Variants in MAP10 observed in about 807,000 individuals in gnomAD.
The protein encoded by MAP10 is microtubule associated protein 10.
In MAP10, 10 loss-of-function variants were observed where a neutral mutation model predicts 6.3. The ratio of observed to expected loss-of-function variants is 1.58; its 90% confidence interval spans 0.98 to 2.69. The LOEUF (loss-of-function observed/expected upper bound fraction) is 2.69, where lower values mean the gene tolerates loss of function less well. Among genes scored for constraint, MAP10 ranks in the 30% most tolerant of loss-of-function variants. MAP10 has a pLI of 0.00. For missense variants in MAP10, 1,189 were observed against 1,086.5 expected, an observed-to-expected ratio of 1.09 and a Z score of -1.33; for synonymous variants, 459 against 429.3, an observed-to-expected ratio of 1.07 and a Z score of -0.86.
At position 232,805,964 on chromosome 1, in the gene MAP10, C is replaced by T. The variant is rs775612357; in HGVS notation, c.515C>T (p.Thr172Ile). The T allele has an allele frequency of 1.4e-5, 23 of 1,613,314 alleles. No individual in the cohort carries two copies. In the African/African-American group the frequency reaches 2.9e-4, roughly 21 times the overall value. The change falls in exon 1 of 1, where the codon ACT (threonine) becomes ATT (isoleucine). Residue 172 changes from threonine to isoleucine, a missense_variant. Transcript: ENST00000418460. ...CTGCATAATCGAGTGGGCGAGCGGA[C>T]TGGGGACATTGCACTGGCCTACCGC... The part of the protein sequence containing the change: ...FPLHNRVGER[T>I]GDIALAYRLT...
Position 232,806,261 on chromosome 1 carries a change from T to G in MAP10, c.812T>G (p.Val271Gly). Residue 271 changes from valine to glycine, a missense_variant, in exon 1 of 1, where the codon GTT (valine) becomes GGT (glycine). Coordinates refer to ENST00000418460, the MANE Select transcript of MAP10 (RefSeq NM_019090.3). ...SVENGKTNSV[V>G]TCSGAGNGRN... is the part of the protein sequence containing the mutation. Reference sequence around the variant, plus strand: ...GAGAATGGCAAAACCAATTCTGTTGTTACATGTTCAGGTGCTGGCAATGGG... The same window carrying G: ...GAGAATGGCAAAACCAATTCTGTTGGTACATGTTCAGGTGCTGGCAATGGG... 6.2e-7 allele frequency: 1 copy of G among 1,613,976 alleles called. No homozygotes were observed. The highest frequency in any genetic ancestry group is 8.5e-7 in the Non-Finnish European group (1 of 1,179,890).
chr1:232,805,483 C>T lies in MAP10; in HGVS notation c.34C>T (p.Leu12=), dbSNP rs767298922. Residue 12 remains leucine (L), a synonymous_variant, in exon 1 of 1, where the codon CTG becomes TTG. Transcript: ENST00000418460. Reference sequence around the variant, plus strand: ...CTCGCTGTCCGAGCGGCTCTTCTCGCTGGAGCTGCTGGTGGACTGGGTGCG... The same window carrying T: ...CTCGCTGTCCGAGCGGCTCTTCTCGTTGGAGCTGCTGGTGGACTGGGTGCG... ...AASLSERLFS[L]ELLVDWVRLE... The T allele has an allele frequency of 1.4e-5, 23 of 1,586,348 alleles. No homozygotes were observed. In the South Asian group the frequency reaches 1.8e-4, roughly 13 times the overall value.
the MAP10 span, chr1:232,807,618 CA>C: frequency 1.2e-6 from 2 of 1,609,610 alleles, no homozygotes; most frequent in African/African-American, 2.7e-5. Context: ...GCAGAAGTTT[CA>C]AAGCTCATGA....
chr1:232,807,386 G>A lies in MAP10; in HGVS notation c.1937G>A (p.Ser646Asn). Reference sequence around the variant, plus strand: ...GGAAATGTGGAAATGAAAATCCAAAGTCCATGTGTTTTCCAACAGGATGCT... The same window carrying A: ...GGAAATGTGGAAATGAAAATCCAAAATCCATGTGTTTTCCAACAGGATGCT... ...LGGNVEMKIQ[S>N]PCVFQQDAVV... Residue 646 changes from serine to asparagine, a missense_variant, in exon 1 of 1, where the codon AGT becomes AAT. Transcript: ENST00000418460. The A allele has an allele frequency of 6.2e-7, 1 of 1,613,852 alleles. No homozygotes were observed. The highest frequency in any genetic ancestry group is 8.5e-7 in the Non-Finnish European group (1 of 1,179,838).
In MAP10 at chr1:232,808,403, C is replaced by T. The variant is rs964619689; in HGVS notation, c.*236C>T. ...ATCATAAGAATAAAAGTGTGTCTTT[C>T]TAAATTGTCTCTCTTAAAGTGTCTA... On this transcript the variant is annotated 3_prime_UTR_variant, in exon 1 of 1. Coordinates refer to ENST00000418460, the MANE Select transcript of MAP10 (RefSeq NM_019090.3). The T allele has an allele frequency of 4.3e-5, 15 of 346,504 alleles. No homozygotes were observed. Among genetic ancestry groups the T allele is most frequent in the Non-Finnish European group, 7.6e-5 (14 of 183,288 alleles). 21.5% of individuals were successfully genotyped at this position (346,504 alleles called of 1,614,324 possible). A position where few individuals can be genotyped will look rare whatever the true frequency, so the allele number is the denominator to read the frequency against.
rs373605405 is a variant in MAP10 at position 232,806,182 on chromosome 1, G to A, written c.733G>A (p.Asp245Asn). The change falls in exon 1 of 1, where the codon GAT (aspartate) becomes AAT (asparagine). Residue 245 changes from aspartate (D) to asparagine (N), a missense_variant. Coordinates refer to ENST00000418460, the MANE Select transcript of MAP10 (RefSeq NM_019090.3). ...GTTAGAAATCCCAGAGGCACAGAAG[G>A]ATTTGAAGGAAATGGTTAAAAGTAA... The part of the protein sequence containing the change: ...GELEIPEAQK[D>N]LKEMVKSKAE... 3.7e-5 allele frequency: 60 copies of A among 1,614,038 alleles called. No homozygotes were observed. In the African/African-American group the frequency reaches 7.5e-4, roughly 20 times the overall value.
Position 232,805,701 on chromosome 1 carries a change from C to T in MAP10, c.252C>T (p.Pro84=), listed in dbSNP as rs1472090326. ...GPGAPAAEPW[P]GVIRFGRGKS... ...GCGCTCCCGCCGCCGAACCGTGGCC[C>T]GGTGTCATCCGCTTCGGTCGCGGCA... The change falls in exon 1 of 1, where the codon CCC becomes CCT. Residue 84 remains proline (P), a synonymous_variant. Transcript: ENST00000418460. 1.2e-6 allele frequency: 2 copies of T among 1,604,226 alleles called. No individual in the cohort carries two copies. The highest frequency in any genetic ancestry group is 2.2e-5 in the East Asian group (1 of 44,804).
rs1442423274 is a variant in MAP10 at position 232,807,101 on chromosome 1, A to G, written c.1652A>G (p.Gln551Arg). 3.7e-6 allele frequency: 6 copies of G among 1,611,978 alleles called. No individual in the cohort carries two copies. The highest frequency in any genetic ancestry group is 1.6e-4 in the Middle Eastern group (1 of 6,076). The change falls in exon 1 of 1, where the codon CAA becomes CGA. Residue 551 changes from glutamine to arginine, a missense_variant. Coordinates refer to ENST00000418460, the MANE Select transcript of MAP10 (RefSeq NM_019090.3). ...SKVKLLSSAE[Q>R]SQKPQLPEDK... ...GTTAAACTATTAAGCTCTGCAGAAC[A>G]AAGTCAGAAGCCACAACTGCCTGAA...
In MAP10 at chr1:232,807,105, T is replaced by G; in HGVS notation, c.1656T>G (p.Ser552Arg). 1.2e-6 allele frequency: 2 copies of G among 1,611,758 alleles called. No individual in the cohort carries two copies. Among genetic ancestry groups the G allele is most frequent in the Non-Finnish European group, 1.7e-6 (2 of 1,179,136 alleles). Reference sequence around the variant, plus strand: ...AACTATTAAGCTCTGCAGAACAAAGTCAGAAGCCACAACTGCCTGAAGATA... The same window carrying G: ...AACTATTAAGCTCTGCAGAACAAAGGCAGAAGCCACAACTGCCTGAAGATA... ...KVKLLSSAEQ[S>R]QKPQLPEDKY... Residue 552 changes from serine (S) to arginine (R), a missense_variant, in exon 1 of 1, where the codon AGT (serine) becomes AGG (arginine). By Grantham distance (110) the Ser-to-Arg change is moderately radical. Transcript: ENST00000418460.
In MAP10 at chr1:232,808,147, C is replaced by T; in HGVS notation, c.2698C>T (p.Leu900Phe). 1 of 1,575,918 alleles carries T rather than the reference C, an allele frequency of 6.3e-7. No individual in the cohort carries two copies. The highest frequency in any genetic ancestry group is 8.7e-7 in the Non-Finnish European group (1 of 1,155,194). ...KDICELVINK[L>F]PGYTM ...TATTTGTGAATTAGTAATAAATAAA[C>T]TTCCAGGATACACAATGTAAAAATA... The change falls in exon 1 of 1, where the codon CTT becomes TTT. Residue 900 changes from leucine to phenylalanine, a missense_variant. Physicochemically the swap from Leu to Phe is conservative, Grantham distance 22. Coordinates refer to ENST00000418460, the MANE Select transcript of MAP10 (RefSeq NM_019090.3).
Position 232,807,193 on chromosome 1 carries a change from G to A in MAP10, c.1744G>A (p.Val582Ile). 1 of 1,613,574 alleles carries A rather than the reference G, an allele frequency of 6.2e-7. No homozygotes were observed. The highest frequency in any genetic ancestry group is 8.5e-7 in the Non-Finnish European group (1 of 1,179,690). ...TGATACCTCAAGACAAATCAGTGGA[G>A]TTTTTGATGAGCCCAGCACAAGTAA... is the stretch of plus-strand genomic sequence containing the variant. ...NSDTSRQISGVFDEPSTSKET... is the reference protein window; with the variant it reads ...NSDTSRQISGIFDEPSTSKET... Residue 582 changes from valine to isoleucine, a missense_variant, in exon 1 of 1, where the codon GTT (valine) becomes ATT (isoleucine). Val to Ile is a conservative substitution (Grantham distance 29, BLOSUM62 3). Transcript: ENST00000418460.
At position 232,805,779 on chromosome 1, in the gene MAP10, G is replaced by A. The variant is rs1199505738; in HGVS notation, c.330G>A (p.Arg110=). 7 of 1,599,394 alleles carry A rather than the reference G, an allele frequency of 4.4e-6. No homozygotes were observed. In the African/African-American group the frequency reaches 8.0e-5, roughly 18 times the overall value. The change falls in exon 1 of 1, where the codon CGG becomes CGA. Residue 110 remains arginine, a synonymous_variant. Coordinates refer to ENST00000418460, the MANE Select transcript of MAP10 (RefSeq NM_019090.3). ...CTACCCTGCACTGCCGGCTCCTGCG[G>A]ACCCCGCTTGCCACCTTGCTGCTGC... ...QPATLHCRLL[R]TPLATLLLQL... is the part of the protein sequence containing the mutation.
At chr1:232,805,697 G>A in the MAP10 span, 1 of 1,604,400 alleles carries the variant, frequency 6.2e-7, no homozygotes, top group African/African-American at 1.3e-5. Flanking sequence ...GCCGAACCGT[G>A]GCCCGGTGTC....
Position 232,807,720 on chromosome 1 carries a change from C to T in MAP10, c.2271C>T (p.Asp757=), listed in dbSNP as rs576688239. 4 of 1,613,638 alleles carry T rather than the reference C, an allele frequency of 2.5e-6. No individual in the cohort carries two copies. The highest frequency in any genetic ancestry group is 2.2e-5 in the East Asian group (1 of 44,852). Residue 757 remains aspartate (D), a synonymous_variant, in exon 1 of 1, where the codon GAC becomes GAT. Transcript: ENST00000418460. ...TGVSKKKNSS[D]RSSILSPPFS... is the part of the protein sequence containing the mutation. ...TGTCCAAAAAGAAAAATAGTAGTGA[C>T]AGGAGTTCTATCCTTAGCCCACCTT... is the stretch of plus-strand genomic sequence containing the variant.
chr1:232,808,028 C>A lies in MAP10; in HGVS notation c.2579C>A (p.Ser860Tyr), dbSNP rs780003589. ...QVSSYLPSNV[S>Y]ELNVLDSSTS... is the part of the protein sequence containing the mutation. Reference sequence around the variant, plus strand: ...AGTTCTTACCTGCCTTCAAATGTGTCCGAACTTAATGTCCTGGATAGCAGT... The same window carrying A: ...AGTTCTTACCTGCCTTCAAATGTGTACGAACTTAATGTCCTGGATAGCAGT... Residue 860 changes from serine (S) to tyrosine (Y), a missense_variant, in exon 1 of 1, where the codon TCC (serine) becomes TAC (tyrosine). Transcript: ENST00000418460. The A allele has an allele frequency of 4.3e-6, 7 of 1,613,260 alleles. No homozygotes were observed. Among genetic ancestry groups the A allele is most frequent in the Non-Finnish European group, 5.9e-6 (7 of 1,179,472 alleles).
In MAP10 at chr1:232,808,289, T is replaced by C. The variant is rs1053440441; in HGVS notation, c.*122T>C. On this transcript the variant is annotated 3_prime_UTR_variant, in exon 1 of 1. Transcript: ENST00000418460. The stretch of plus-strand genomic sequence containing the variant: ...TTTAAAGAAATATGAATTAACGTTA[T>C]TCCTTTGATGTTTAAATGGTATTTT... 4.5e-5 allele frequency: 23 copies of C among 510,744 alleles called. No individual in the cohort carries two copies. The highest frequency in any genetic ancestry group is 7.9e-5 in the Non-Finnish European group (23 of 292,966). 31.6% of individuals were successfully genotyped at this position (510,744 alleles called of 1,614,324 possible).
Position 232,806,654 on chromosome 1 carries a change from T to C in MAP10, c.1205T>C (p.Leu402Ser). The C allele has an allele frequency of 6.2e-7, 1 of 1,613,972 alleles. No individual in the cohort carries two copies. The highest frequency in any genetic ancestry group is 8.5e-7 in the Non-Finnish European group (1 of 1,179,882). ...CAGTTGCCTTTGTTAAATGCTTTGT[T>C]AGTTGAGTTGTCCTTGTTATATGAC... ...IRQLPLLNAL[L>S]VELSLLYDQP... is the part of the protein sequence containing the mutation. The change falls in exon 1 of 1, where the codon TTA becomes TCA. Residue 402 changes from leucine to serine, a missense_variant. By Grantham distance (145) the Leu-to-Ser change is moderately radical. Coordinates refer to ENST00000418460, the MANE Select transcript of MAP10 (RefSeq NM_019090.3).
At position 232,807,538 on chromosome 1, in the gene MAP10, G is replaced by C; in HGVS notation, c.2089G>C (p.Glu697Gln). ...AAATAGTTGCTATGAAAACATCTCAGAACTGAAGTATTCAGATGATTTGTC... is the reference window on the plus strand; with the variant it reads ...AAATAGTTGCTATGAAAACATCTCACAACTGAAGTATTCAGATGATTTGTC... ...GKNSCYENIS[E>Q]LKYSDDLSSP... Residue 697 changes from glutamate (E) to glutamine (Q), a missense_variant, in exon 1 of 1, where the codon GAA becomes CAA. Glu to Gln is a conservative substitution (Grantham distance 29). Coordinates refer to ENST00000418460, the MANE Select transcript of MAP10 (RefSeq NM_019090.3). 6.2e-7 allele frequency: 1 copy of C among 1,613,402 alleles called. No individual in the cohort carries two copies. Among genetic ancestry groups the C allele is most frequent in the Non-Finnish European group, 8.5e-7 (1 of 1,179,620 alleles).
At chr1:232,805,921 C>CTT in the MAP10 span, 1 of 1,610,234 alleles carries the variant, frequency 6.2e-7, no homozygotes. Flanking sequence ...CTCCCACCGT[C>CTT]ACCGGGGACG....
Sources: gnomAD v4.1 joint callset for allele counts on GRCh38, gnomAD v4.1.1 for gene constraint, MANE v1.5 for transcripts, NCBI Gene and HGNC (gene_info 2026-07-23, HGNC 2026-07-21) for gene names.